Variants in MTMR9 observed in about 807,000 individuals in gnomAD.
MTMR9 encodes myotubularin-related protein 9.
MTMR9 carries 39 observed loss-of-function variants against 69.5 expected under a neutral mutation model. That is an observed-to-expected ratio of 0.56 (90% CI 0.43 to 0.73). The LOEUF (loss-of-function observed/expected upper bound fraction) is 0.73, where lower values mean the gene tolerates loss of function less well. Ranked by LOEUF, MTMR9 falls within the 30% of genes least tolerant of loss-of-function variation. The pLI is 0.00. For synonymous variants in MTMR9, 354 were observed against 240.8 expected (o/e 1.47, Z -4.35); for missense variants, 900 against 671.2 (o/e 1.34, Z -3.77).
At chr8:11,336,859 C>T in the MTMR9 span, among the ~76,000 whole-genome samples, 1 of 152,134 alleles carries the variant, frequency 6.6e-6, no homozygotes, top group Non-Finnish European at 1.5e-5. Context: ...TCCACTATAC[C>T]ATTTCCACTT....
intron 5 of MTMR9, among the ~76,000 whole-genome samples, chr8:11,308,665 CT>C (rs1250596003): frequency 1.3e-5 from 2 of 152,134 alleles, no homozygotes; most frequent in East Asian, 3.8e-4. Flanking sequence ...CTTATGATCC[CT>C]TGTATTTCTG....
At chr8:11,296,111 A>G (rs1799549751) in intron 2 of MTMR9, among the ~76,000 whole-genome samples, 1 of 152,062 alleles carries the variant, frequency 6.6e-6, no homozygotes, top group South Asian at 2.1e-4. Context: ...ATATATATAT[A>G]CACATTATTA....
chr8:11,294,446 GT>G (rs1799476081), intron 1 of MTMR9, among the ~76,000 whole-genome samples: 1 of 145,178 alleles, frequency 6.9e-6, no homozygotes, highest in Non-Finnish European at 1.5e-5. Context: ...GAAATTTTTG[GT>G]TTTTCATGTT....
chr8:11,286,312 A>C (rs1799153330), intron 1 of MTMR9, among the ~76,000 whole-genome samples: 1 of 151,076 alleles, frequency 6.6e-6, no homozygotes, highest in African/African-American at 2.4e-5. Flanking sequence ...TGGTAGATTG[A>C]TTGATTGATA....
chr8:11,322,809 G>A lies in MTMR9; in HGVS notation c.*21G>A, dbSNP rs759160960. On this transcript the variant is annotated 3_prime_UTR_variant, in exon 10 of 10. Coordinates refer to ENST00000221086, the MANE Select transcript of MTMR9 (RefSeq NM_015458.4). ...CCTGAAAGGTCTCCTCGCACCCTTC[G>A]CAAGGACCTTCTTGGGCCTGTGTCC... 21 of 1,601,560 alleles carry A rather than the reference G, an allele frequency of 1.3e-5. No individual in the cohort carries two copies. Among genetic ancestry groups the A allele is most frequent in the African/African-American group, 5.4e-5 (4 of 74,362 alleles).
chr8:11,333,024 G>T (rs953910922), downstream of MTMR9, among the ~76,000 whole-genome samples: 3 of 152,300 alleles, frequency 2.0e-5, no homozygotes, highest in African/African-American at 7.2e-5. Flanking sequence ...TTCAAGACTT[G>T]TAGGATACCA....
chr8:11,285,168 C>T (rs887861932), intron 1 of MTMR9, 98 bp downstream of exon 1: 2 of 1,259,488 alleles, frequency 1.6e-6, no homozygotes, highest in East Asian at 5.3e-5. Flanking sequence ...GCCTGCCGCC[C>T]AGCTAGCCGG....
chr8:11,305,074 A>G lies in MTMR9; in HGVS notation c.591+60A>G, dbSNP rs1799889881. ...AGGCTTGGGTTGGGGATCTTTTCGT[A>G]GAAATGTTCCCTTTTGCTCTCTGTC... On this transcript the variant is annotated intron_variant, in intron 4 of 9. Coordinates refer to ENST00000221086, the MANE Select transcript of MTMR9 (RefSeq NM_015458.4). 4.6e-6 allele frequency: 7 copies of G among 1,512,974 alleles called. No homozygotes were observed. The East Asian group carries it at 1.6e-4, about 35-fold the overall frequency. The allele number at this position is 1,512,974 out of a possible 1,614,324, so 93.7% of individuals were successfully genotyped here.
At position 11,291,283 on chromosome 8, in the gene MTMR9, G is replaced by A. The variant is rs183477999; in HGVS notation, c.183-3911G>A. Among the ~76,000 whole-genome samples, 86 of 152,128 alleles carry A rather than the reference G, an allele frequency of 5.7e-4. 1 individual carries two copies. Among genetic ancestry groups the A allele is most frequent in the Non-Finnish European group, 5.9e-5 (4 of 67,976 alleles). On this transcript the variant is annotated intron_variant, in intron 1 of 9. Coordinates refer to ENST00000221086, the MANE Select transcript of MTMR9 (RefSeq NM_015458.4). ...AGTCCCTTAGTGGAACTTTAAGATG[G>A]TGTATATGCTAGGTGCTGTACTAGG... is the stretch of plus-strand genomic sequence containing the variant.
downstream of MTMR9, chr8:11,331,326 A>G: frequency 5.6e-6 from 9 of 1,613,880 alleles, no homozygotes. Context: ...GGAGCTGCTC[A>G]TCTGTCGATG....
intron 3 of MTMR9, among the ~76,000 whole-genome samples, chr8:11,303,168 G>T (rs774429974): frequency 6.1e-4 from 90 of 147,752 alleles, no homozygotes; most frequent in Non-Finnish European, 1.2e-3. Context: ...ACAAAAAGGT[G>T]AGAGGAGGAC....
intron 8 of MTMR9, 65 bp from the exon 9 acceptor site, chr8:11,319,622 G>A: frequency 6.5e-7 from 1 of 1,527,360 alleles, no homozygotes; most frequent in Non-Finnish European, 9.0e-7. Context: ...GTCCTCGTAA[G>A]AGGAGCACTC....
Position 11,319,739 on chromosome 8 carries a change from C to T in MTMR9, c.1387C>T (p.Gln463Ter). 6.2e-7 allele frequency: 1 copy of T among 1,614,130 alleles called. No homozygotes were observed. Among genetic ancestry groups the T allele is most frequent in the Non-Finnish European group, 8.5e-7 (1 of 1,179,992 alleles). ...KTMSLWSWVN[Q>*]PSELSKFTNP... ...GATGTCTTTGTGGTCCTGGGTTAAT[C>T]AGCCCAGTGAGCTGAGTAAATTCAC... The change falls in exon 9 of 10, where the codon CAG becomes TAG. Residue 463 changes from glutamine to a stop codon, truncating the protein, a stop_gained. Transcript: ENST00000221086. LOFTEE classifies it high-confidence loss of function.
chr8:11,290,704 G>T (rs1318486811), intron 1 of MTMR9, among the ~76,000 whole-genome samples: 2 of 151,960 alleles, frequency 1.3e-5, no homozygotes, highest in African/African-American at 4.8e-5. Flanking sequence ...ACCTTGGCTG[G>T]TTTATGTCAA....
At chr8:11,304,474 A>G (rs1010508872) in intron 3 of MTMR9, among the ~76,000 whole-genome samples, 8 of 152,188 alleles carry the variant, frequency 5.3e-5, no homozygotes, top group Non-Finnish European at 7.3e-5. Context: ...AGAATAGAAC[A>G]CTAAGGAGGA....
chr8:11,286,313 T>A (rs1400133536), intron 1 of MTMR9, among the ~76,000 whole-genome samples: 1 of 151,816 alleles, frequency 6.6e-6, no homozygotes, highest in East Asian at 1.9e-4. Context: ...GGTAGATTGA[T>A]TGATTGATAT....
At chr8:11,312,605 T>A (rs1211981381) in intron 6 of MTMR9, among the ~76,000 whole-genome samples, 8 of 152,236 alleles carry the variant, frequency 5.3e-5, no homozygotes, top group African/African-American at 1.7e-4. Context: ...AAAGTATCCA[T>A]GAGATGTGGA....
chr8:11,301,745 A>AATG (rs1799755155), intron 3 of MTMR9, among the ~76,000 whole-genome samples: 1 of 21,146 alleles, frequency 4.7e-5, no homozygotes, highest in African/African-American at 7.6e-4. Context: ...GTTTTGTCTC[A>AATG]AAGTTGACTA....
the MTMR9 span, among the ~76,000 whole-genome samples, chr8:11,335,042 G>C: frequency 0.41 from 61,754 of 152,058 alleles, 14,128 homozygotes; most frequent in East Asian, 0.73. Flanking sequence ...GCACTCTCAC[G>C]ACTCCTTTCA....
Sources: allele counts gnomAD v4.1 joint callset (sites outside exome capture counted in the v4.1 genomes callset), GRCh38; gene constraint gnomAD v4.1.1; transcripts MANE v1.5; gene names NCBI Gene and HGNC (gene_info 2026-07-23, HGNC 2026-07-21).